Variants in SNX8 observed in about 807,000 individuals in gnomAD.
SNX8 encodes the protein sorting nexin 8.
SNX8 carries 25 observed loss-of-function variants against 51.6 expected under a neutral mutation model. That is an observed-to-expected ratio of 0.48 (90% CI 0.35 to 0.68). The LOEUF (loss-of-function observed/expected upper bound fraction) is 0.68, where lower values mean the gene tolerates loss of function less well. SNX8 is among the 30% of genes least tolerant of loss of function. SNX8 has a pLI of 0.00. For synonymous variants in SNX8, 324 were observed against 277.0 expected (o/e 1.17, Z -1.68); for missense variants, 695 against 624.0 (o/e 1.11, Z -1.21).
intron 1 of SNX8, among the ~76,000 whole-genome samples, chr7:2,331,184 CAAAAAAAAAA>C (rs71023397): frequency 1.3e-4 from 10 of 76,736 alleles, no homozygotes; most frequent in Non-Finnish European, 2.1e-4. Context: ...GACTCTGTCT[CAAAAAAAAAA>C]AAAAAAAAAG....
intron 10 of SNX8, among the ~76,000 whole-genome samples, chr7:2,256,065 T>C (rs1795170527): frequency 6.6e-6 from 1 of 152,198 alleles, no homozygotes; most frequent in East Asian, 1.9e-4. Flanking sequence ...GTTGGTCCCA[T>C]TCCTTCACTG....
At chr7:2,270,444 T>C (rs759648600) in intron 4 of SNX8, among the ~76,000 whole-genome samples, 23 of 145,626 alleles carry the variant, frequency 1.6e-4, no homozygotes, top group South Asian at 2.3e-4. Flanking sequence ...CTGGGTAACA[T>C]AGTGAGACCC....
At chr7:2,266,289 G>A (rs113183986) in intron 5 of SNX8, among the ~76,000 whole-genome samples, 2,992 of 151,922 alleles carry the variant, frequency 0.02, 38 homozygotes, top group South Asian at 0.043. Flanking sequence ...GGTTCAAGCA[G>A]TCCTCTTGCC....
intron 1 of SNX8, among the ~76,000 whole-genome samples, chr7:2,303,217 C>T (rs1248982940): frequency 2.7e-5 from 4 of 147,948 alleles, no homozygotes; most frequent in Non-Finnish European, 6.0e-5. Flanking sequence ...CCAGCCGCCC[C>T]GTCCAGGAGG....
chr7:2,297,432 C>T (rs1214645762), intron 1 of SNX8, among the ~76,000 whole-genome samples: 1 of 150,978 alleles, frequency 6.6e-6, no homozygotes, highest in East Asian at 1.9e-4. Flanking sequence ...TGCCTATAAT[C>T]CCAGCTATTT....
At chr7:2,311,377 TTTTG>T (rs1796654692) in intron 1 of SNX8, among the ~76,000 whole-genome samples, 1 of 152,192 alleles carries the variant, frequency 6.6e-6, no homozygotes, top group Non-Finnish European at 1.5e-5. Context: ...TCTTTGCTGT[TTTTG>T]TTTTTGTTTT....
intron 7 of SNX8, among the ~76,000 whole-genome samples, chr7:2,259,646 G>A (rs903377073): frequency 2.0e-5 from 3 of 152,222 alleles, no homozygotes; most frequent in Non-Finnish European, 4.4e-5. Context: ...AAGCAGCTGG[G>A]ATTCCAGCCA....
At chr7:2,319,252 G>T (rs921265376), upstream of SNX8, among the ~76,000 whole-genome samples, 2 of 151,732 alleles carry the variant, frequency 1.3e-5, no homozygotes, top group African/African-American at 4.8e-5. Flanking sequence ...TGACGTGGGA[G>T]AACCACTTGA....
chr7:2,271,843 C>T lies in SNX8; in HGVS notation c.540+7G>A. On this transcript the variant is annotated splice_region_variant and intron_variant, in intron 4 of 10. Transcript: ENST00000222990. The stretch of plus-strand genomic sequence containing the variant: ...GGCCGGGACATGGGCAGGGCAGACA[C>T]ACTCACCGAGCCGCTGAAGGACAGG... 6.3e-7 allele frequency: 1 copy of T among 1,598,386 alleles called. No homozygotes were observed. Among genetic ancestry groups the T allele is most frequent in the Non-Finnish European group, 8.5e-7 (1 of 1,172,940 alleles).
intron 1 of SNX8, among the ~76,000 whole-genome samples, chr7:2,337,513 C>T (rs574851639): frequency 1.3e-5 from 2 of 152,208 alleles, no homozygotes; most frequent in East Asian, 3.9e-4. Flanking sequence ...ATCAGTAATA[C>T]ATTTCTAGCC....
chr7:2,289,641 G>A (rs1031293100), intron 1 of SNX8, among the ~76,000 whole-genome samples: 2 of 152,076 alleles, frequency 1.3e-5, no homozygotes, highest in Non-Finnish European at 2.9e-5. Flanking sequence ...TTAATGCGGT[G>A]AGGATACATT....
At chr7:2,269,245 G>T (rs1300849623) in intron 5 of SNX8, among the ~76,000 whole-genome samples, 2 of 149,742 alleles carry the variant, frequency 1.3e-5, no homozygotes, top group African/African-American at 2.4e-5. Flanking sequence ...ACCCTGTGCT[G>T]TGTCCACTCA....
upstream of SNX8, among the ~76,000 whole-genome samples, chr7:2,319,120 C>T (rs1352097812): frequency 1.3e-5 from 2 of 151,872 alleles, no homozygotes; most frequent in Non-Finnish European, 1.5e-5. Flanking sequence ...CAGCAGATCA[C>T]CTGAGTTCAG....
intron 1 of SNX8, among the ~76,000 whole-genome samples, chr7:2,338,355 G>A (rs1197749226): frequency 1.3e-5 from 2 of 151,988 alleles, no homozygotes; most frequent in Admixed American, 6.6e-5. Context: ...CCAGCTACTC[G>A]GGAGGCTGAG....
intron 10 of SNX8, among the ~76,000 whole-genome samples, chr7:2,256,454 G>A (rs978685993): frequency 1.3e-5 from 2 of 152,250 alleles, no homozygotes; most frequent in Non-Finnish European, 2.9e-5. Flanking sequence ...CCTTGGGAGC[G>A]TTTCTTCTCC....
At chr7:2,261,692 G>A (rs977344686) in intron 7 of SNX8, among the ~76,000 whole-genome samples, 1 of 152,198 alleles carries the variant, frequency 6.6e-6, no homozygotes, top group African/African-American at 2.4e-5. Flanking sequence ...CCAATCTACA[G>A]AAACCAACAG....
At chr7:2,272,272 T>A (rs1333986009) in intron 3 of SNX8, among the ~76,000 whole-genome samples, 1 of 152,124 alleles carries the variant, frequency 6.6e-6, no homozygotes, top group Non-Finnish European at 1.5e-5. Flanking sequence ...GTCACTTTAA[T>A]CACCTCCGTT....
chr7:2,283,778 G>A (rs1005316754), intron 1 of SNX8, among the ~76,000 whole-genome samples: 2 of 152,186 alleles, frequency 1.3e-5, no homozygotes, highest in African/African-American at 4.8e-5. Flanking sequence ...CAGGAGGGCT[G>A]GGGTGGGGAC....
chr7:2,302,003 G>A (rs1359350629), intron 1 of SNX8, among the ~76,000 whole-genome samples: 1 of 152,140 alleles, frequency 6.6e-6, no homozygotes, highest in African/African-American at 2.4e-5. Flanking sequence ...AGCACTTTGG[G>A]AGGCCGAGGC....
Sources: allele counts gnomAD v4.1 joint callset (sites outside exome capture counted in the v4.1 genomes callset), GRCh38; gene constraint gnomAD v4.1.1; transcripts MANE v1.5; gene names NCBI Gene and HGNC (gene_info 2026-07-23, HGNC 2026-07-21).